The following COL14A1 variants were observed in gnomAD, a reference collection of about 807,000 sequenced individuals.
The protein encoded by COL14A1 is collagen alpha-1(XIV) chain.
In COL14A1, 136 loss-of-function variants were observed where a neutral mutation model predicts 230.3. The observed-to-expected ratio is 0.59, with a 90% CI of 0.51 to 0.68. The LOEUF is 0.68. Ranked by LOEUF, COL14A1 falls within the 30% of genes least tolerant of loss-of-function variation. The pLI, the probability that COL14A1 is intolerant of heterozygous loss-of-function variation, is 0.00. For synonymous variants in COL14A1, 792 were observed against 784.1 expected (o/e 1.01, Z -0.17); for missense variants, 1,976 against 2,215.8 (o/e 0.89, Z 2.17).
intron 24 of COL14A1, among the ~76,000 whole-genome samples, chr8:120,263,713 G>T (rs1819414213): frequency 6.6e-6 from 1 of 152,072 alleles, no homozygotes. Context: ...GGGAGGATTT[G>T]TGTCTGAATA....
At chr8:120,124,724 G>A (rs1361571756), upstream of COL14A1, among the ~76,000 whole-genome samples, 1 of 152,190 alleles carries the variant, frequency 6.6e-6, no homozygotes, top group Non-Finnish European at 1.5e-5. Context: ...GGAAGGCAAA[G>A]TCTGTCTTTT....
chr8:120,201,303 A>T (rs1817239693), intron 8 of COL14A1, among the ~76,000 whole-genome samples: 1 of 152,100 alleles, frequency 6.6e-6, no homozygotes, highest in African/African-American at 2.4e-5. Flanking sequence ...GTGCAGGAGG[A>T]GGTAGCTGTT....
At chr8:120,362,640 C>A (rs537040695) in intron 45 of COL14A1, among the ~76,000 whole-genome samples, 2 of 152,162 alleles carry the variant, frequency 1.3e-5, no homozygotes, top group Non-Finnish European at 1.5e-5. Context: ...ATGAATATGA[C>A]AAATGTACCA....
intron 39 of COL14A1, 117 bp downstream of exon 39, chr8:120,315,703 G>A: frequency 1.1e-6 from 1 of 896,802 alleles, no homozygotes; most frequent in Non-Finnish European, 1.7e-6. Context: ...CCATATTAAA[G>A]ACTGCCTGTA....
At chr8:120,343,569 A>G (rs1174170890) in intron 44 of COL14A1, among the ~76,000 whole-genome samples, 1 of 152,188 alleles carries the variant, frequency 6.6e-6, no homozygotes. Context: ...TAAGGCAAAA[A>G]CATCAGGGCA....
intron 35 of COL14A1, among the ~76,000 whole-genome samples, chr8:120,298,597 T>TTTTTTATATATA (rs576663862): frequency 1.7e-5 from 1 of 57,998 alleles, no homozygotes; most frequent in Non-Finnish European, 3.1e-5. Context: ...CCCATATATT[T>TTTTTTATATATA]TATATATATA....
chr8:120,194,182 G>C (rs866613769), intron 5 of COL14A1, among the ~76,000 whole-genome samples: 1 of 152,136 alleles, frequency 6.6e-6, no homozygotes, highest in South Asian at 2.1e-4. Context: ...ATTCCTATTC[G>C]GCCATCTTGG....
Position 120,274,256 on chromosome 8 carries a change from G to A in COL14A1, c.3214-3855G>A, listed in dbSNP as rs1227016951. 5.3e-5 allele frequency among the ~76,000 whole-genome samples: 8 copies of A among 151,518 alleles called. No homozygotes were observed. The South Asian group carries it at 1.5e-3, about 28-fold the overall frequency. On this transcript the variant is annotated intron_variant, in intron 26 of 47. Coordinates refer to ENST00000297848, the MANE Select transcript of COL14A1 (RefSeq NM_021110.4). ...TATGTTCATCTCATAGATGCAGAAA[G>A]CATTCAATAAAATCCAGCATCCCTT...
At chr8:120,132,790 T>C (rs1319332164) in intron 1 of COL14A1, among the ~76,000 whole-genome samples, 1 of 152,114 alleles carries the variant, frequency 6.6e-6, no homozygotes. Flanking sequence ...ATACAGGAAT[T>C]ATGAATAAAA....
Position 120,313,960 on chromosome 8 carries a change from G to A in COL14A1, c.4484G>A (p.Gly1495Asp), listed in dbSNP as rs772676441. 10 of 1,612,306 alleles carry A rather than the reference G, an allele frequency of 6.2e-6. No individual in the cohort carries two copies. Among genetic ancestry groups the A allele is most frequent in the Non-Finnish European group, 8.5e-6 (10 of 1,179,208 alleles). The change falls in exon 38 of 48, where the codon GGT becomes GAT. Residue 1495 changes from glycine (G) to aspartate (D), a missense_variant. By Grantham distance (94) the Gly-to-Asp change is moderately conservative. This residue lies in a region of COL14A1 where 1,791 missense variants were observed against 2,019.5 expected (regional missense o/e 0.89). Coordinates refer to ENST00000297848, the MANE Select transcript of COL14A1 (RefSeq NM_021110.4). ...KGPDGPRGEI[G>D]LPGPQGPPGP... The stretch of plus-strand genomic sequence containing the variant: ...CCAGATGGCCCTCGGGGTGAAATTG[G>A]TCTGCCAGGACCTCAGGGTCCACCT...
At chr8:120,334,826 AACTAGTT>A (rs2130231243) in intron 42 of COL14A1, among the ~76,000 whole-genome samples, 1 of 152,318 alleles carries the variant, frequency 6.6e-6, no homozygotes, top group South Asian at 2.1e-4. Context: ...ACATGACCCT[AACTAGTT>A]GTGTAAGCCA....
chr8:120,186,867 A>T (rs560533713), intron 5 of COL14A1, among the ~76,000 whole-genome samples: 1 of 152,344 alleles, frequency 6.6e-6, no homozygotes, highest in Non-Finnish European at 1.5e-5. Context: ...AAGTTACAAA[A>T]GTCCTCCCCA....
intron 23 of COL14A1, 67 bp from the exon 24 acceptor site, chr8:120,262,801 C>A: frequency 6.7e-7 from 1 of 1,492,238 alleles, no homozygotes; most frequent in South Asian, 1.3e-5. Flanking sequence ...AGCAAATCAT[C>A]TGCCAATGGC....
chr8:120,335,370 T>C (rs2130234159), intron 42 of COL14A1, among the ~76,000 whole-genome samples: 1 of 152,306 alleles, frequency 6.6e-6, no homozygotes, highest in Non-Finnish European at 1.5e-5. Flanking sequence ...CTTGTGCCAT[T>C]GGTGCTTTGA....
At chr8:120,311,197 T>C (rs1438660529) in intron 37 of COL14A1, among the ~76,000 whole-genome samples, 2 of 152,210 alleles carry the variant, frequency 1.3e-5, no homozygotes, top group Non-Finnish European at 2.9e-5. Context: ...ACTTGAGGTA[T>C]CTTACTTGGT....
At chr8:120,213,766 A>T (rs1171478691) in intron 13 of COL14A1, among the ~76,000 whole-genome samples, 1 of 152,220 alleles carries the variant, frequency 6.6e-6, no homozygotes, top group Non-Finnish European at 1.5e-5. Flanking sequence ...GTCCTAAAAA[A>T]TGATATCCTA....
intron 47 of COL14A1, chr8:120,370,425 A>G: frequency 6.3e-7 from 1 of 1,597,974 alleles, no homozygotes; most frequent in South Asian, 1.1e-5. Flanking sequence ...TGGATACAGA[A>G]CTGTCCTGTC....
intron 45 of COL14A1, among the ~76,000 whole-genome samples, chr8:120,363,014 A>T (rs948856368): frequency 1.3e-5 from 2 of 152,226 alleles, no homozygotes; most frequent in Non-Finnish European, 2.9e-5. Flanking sequence ...AGTAGTTGAT[A>T]TCACCACCAC....
intron 20 of COL14A1, among the ~76,000 whole-genome samples, chr8:120,244,878 T>A (rs1320512041): frequency 6.6e-6 from 1 of 152,172 alleles, no homozygotes; most frequent in Non-Finnish European, 1.5e-5. Flanking sequence ...GGCCTCCCAA[T>A]GGCTTCTCAC....
Sources: allele counts gnomAD v4.1 joint callset (sites outside exome capture counted in the v4.1 genomes callset), GRCh38; gene constraint gnomAD v4.1.1; regional missense constraint gnomAD v4.1.1; transcripts MANE v1.5; gene names NCBI Gene and HGNC (gene_info 2026-07-23, HGNC 2026-07-21).